MTARC2: variants seen among roughly 807,000 people sequenced by gnomAD.
MTARC2 encodes the protein MOCO sulphurase C-terminal domain containing 2.
A neutral mutation model predicts 35.6 loss-of-function variants in MTARC2; 27 were observed. The ratio of observed to expected loss-of-function variants is 0.76; its 90% confidence interval spans 0.56 to 1.04. The LOEUF is 1.04. MTARC2 is among the 50% of genes least tolerant of loss of function. The probability of loss-of-function intolerance (pLI) is 0.00; values close to 1 mark genes in which losing one functional copy is unlikely to be tolerated. For missense variants in MTARC2, 412 were observed against 432.5 expected, an observed-to-expected ratio of 0.95 and a Z score of 0.42; for synonymous variants, 158 against 167.1, an observed-to-expected ratio of 0.95 and a Z score of 0.42.
chr1:220,757,705 T>C (rs1572295515), intron 2 of MTARC2, among the ~76,000 whole-genome samples: 1 of 152,104 alleles, frequency 6.6e-6, no homozygotes, highest in African/African-American at 2.4e-5. Context: ...AGGGTGCCAA[T>C]CCCAGCATGA....
At chr1:220,760,498 A>G (rs1477185473) in intron 2 of MTARC2, among the ~76,000 whole-genome samples, 1 of 152,238 alleles carries the variant, frequency 6.6e-6, no homozygotes, top group Admixed American at 6.5e-5. Context: ...AAGAAAGAAA[A>G]TTGATACTGA....
In MTARC2 at chr1:220,778,196, C is replaced by G. The variant is rs186767653; in HGVS notation, c.751-1822C>G. Among the ~76,000 whole-genome samples the G allele has an allele frequency of 3.3e-4, 44 of 135,206 alleles. No homozygotes were observed. In the East Asian group the frequency reaches 4.6e-3, roughly 14 times the overall value. 88.7% of individuals were successfully genotyped at this position (135,206 alleles called of 152,430 possible). ...GGCGGAGATTGCGGCTGCAGTGAGC[C>G]GAGATTGCGCCACTGCATTCTAGCT... On this transcript the variant is annotated intron_variant, in intron 4 of 7. Coordinates refer to ENST00000366913, the MANE Select transcript of MTARC2 (RefSeq NM_017898.5).
At chr1:220,769,460 T>C (rs1158641213) in intron 4 of MTARC2, among the ~76,000 whole-genome samples, 1 of 152,148 alleles carries the variant, frequency 6.6e-6, no homozygotes, top group Non-Finnish European at 1.5e-5. Flanking sequence ...TGCCTCCATC[T>C]CAGGTGCAGC....
At chr1:220,754,101 T>C (rs1671211407) in intron 1 of MTARC2, among the ~76,000 whole-genome samples, 1 of 152,040 alleles carries the variant, frequency 6.6e-6, no homozygotes, top group Non-Finnish European at 1.5e-5. Flanking sequence ...GAAACTAAAC[T>C]GTGATATTGA....
At chr1:220,780,448 A>G (rs1020853395) in intron 6 of MTARC2, among the ~76,000 whole-genome samples, 2 of 141,780 alleles carry the variant, frequency 1.4e-5, no homozygotes, top group African/African-American at 2.8e-5. Flanking sequence ...AGTGCTTTGG[A>G]TAAACTTTTT....
intron 2 of MTARC2, among the ~76,000 whole-genome samples, chr1:220,758,287 A>T (rs1160432142): frequency 6.6e-6 from 1 of 150,484 alleles, no homozygotes; most frequent in African/African-American, 2.4e-5. Context: ...CCGGCCACTT[A>T]TTTTTTTTAA....
intron 4 of MTARC2, among the ~76,000 whole-genome samples, chr1:220,769,419 C>T (rs1463841879): frequency 6.6e-6 from 1 of 152,212 alleles, no homozygotes; most frequent in Non-Finnish European, 1.5e-5. Context: ...GGCTGCACAT[C>T]GGGCCAGCGG....
intron 4 of MTARC2, among the ~76,000 whole-genome samples, chr1:220,772,683 GGT>G (rs374751849): frequency 2.0e-5 from 3 of 147,960 alleles, no homozygotes; most frequent in Non-Finnish European, 4.5e-5. Flanking sequence ...CTCTGGGCAG[GGT>G]GTGTGTGTGT....
chr1:220,761,849 G>A, intron 3 of MTARC2, 29 bp downstream of exon 3: 1 of 1,570,164 alleles, frequency 6.4e-7, no homozygotes, highest in Non-Finnish European at 8.6e-7. Flanking sequence ...TACCTTCACT[G>A]CTACTAGTCA....
At chr1:220,755,705 C>G (rs1671259824) in intron 2 of MTARC2, among the ~76,000 whole-genome samples, 1 of 152,088 alleles carries the variant, frequency 6.6e-6, no homozygotes, top group Admixed American at 6.5e-5. Flanking sequence ...GTTGGTGTTC[C>G]TATTACAGGC....
In MTARC2 at chr1:220,755,108, T is replaced by G; in HGVS notation, c.434T>G (p.Leu145Arg). Residue 145 changes from leucine (L) to arginine (R), a missense_variant, in exon 2 of 8, where the codon CTC becomes CGC. Transcript: ENST00000366913. ...AGCAAGCAGCCTTCCTCAAACAAAC[T>G]CCACAACTGCAGGTGTTCCGCTTGG... ...LPSKQPSSNK[L>R]HNCRIFGLDI... is the part of the protein sequence containing the mutation. 6.2e-7 allele frequency: 1 copy of G among 1,606,420 alleles called. No individual in the cohort carries two copies.
At chr1:220,781,247 A>G (rs1375345901) in intron 6 of MTARC2, among the ~76,000 whole-genome samples, 2 of 152,132 alleles carry the variant, frequency 1.3e-5, no homozygotes, top group African/African-American at 2.4e-5. Context: ...AGATGCTGTG[A>G]AAGTTATTGT....
At chr1:220,765,522 A>G (rs1307748508) in intron 4 of MTARC2, among the ~76,000 whole-genome samples, 15 of 152,238 alleles carry the variant, frequency 9.9e-5, no homozygotes, top group Admixed American at 9.8e-4. Context: ...ATTGAAAGGC[A>G]GGGAAGCCTG....
chr1:220,751,972 G>A (rs1332705308), intron 1 of MTARC2, among the ~76,000 whole-genome samples: 1 of 152,128 alleles, frequency 6.6e-6, no homozygotes, highest in Admixed American at 6.5e-5. Flanking sequence ...AGATGGTTGG[G>A]GTATGTTACA....
chr1:220,766,105 C>T (rs910320144), intron 4 of MTARC2, among the ~76,000 whole-genome samples: 4 of 151,998 alleles, frequency 2.6e-5, no homozygotes, highest in African/African-American at 9.7e-5. Flanking sequence ...GAGGAAGAGG[C>T]CCCCGACGTA....
chr1:220,780,253 A>ACAGC lies in MTARC2; in HGVS notation c.884+18_884+21dup. The ACAGC allele has an allele frequency of 6.2e-7, 1 of 1,603,768 alleles. No homozygotes were observed. The highest frequency in any genetic ancestry group is 1.1e-5 in the South Asian group (1 of 90,132). On this transcript the variant is annotated intron_variant, in intron 6 of 7. Coordinates refer to ENST00000366913, the MANE Select transcript of MTARC2 (RefSeq NM_017898.5). ...CACCCTGAAGAGGTAGAATACCACC[A>ACAGC]CAGCCAGTGTATTTTAAATATTATC...
intron 3 of MTARC2, 149 bp downstream of exon 3, chr1:220,761,969 C>A: frequency 1.3e-6 from 1 of 779,694 alleles, no homozygotes; most frequent in Non-Finnish European, 2.1e-6. Flanking sequence ...ACAGCCTAGG[C>A]AGAGGTACCA....
At position 220,748,811 on chromosome 1, in the gene MTARC2, A is replaced by C. The variant is rs750605554; in HGVS notation, c.272+8A>C. ...CGGCAACCTGCGGGACAGGTACAGC[A>C]CAGCGCGGGCGCGGGGCAGCGCGGA... On this transcript the variant is annotated splice_region_variant and intron_variant, in intron 1 of 7. Coordinates refer to ENST00000366913, the MANE Select transcript of MTARC2 (RefSeq NM_017898.5). 1 of 1,576,008 alleles carries C rather than the reference A, an allele frequency of 6.3e-7. No homozygotes were observed. The highest frequency in any genetic ancestry group is 1.4e-5 in the African/African-American group (1 of 72,916).
At position 220,775,443 on chromosome 1, in the gene MTARC2, G is replaced by A. The variant is rs117328609; in HGVS notation, c.751-4575G>A. Among the ~76,000 whole-genome samples the A allele has an allele frequency of 5.5e-3, 839 of 152,250 alleles. 6 individuals are homozygous for A. The East Asian group carries it at 0.056, about 10-fold the overall frequency. ...GCGGAAAGGTTGATTACCAGCAGGG[G>A]GCGCACTAAGCGTCTCGAGCTGATT... On this transcript the variant is annotated intron_variant, in intron 4 of 7. Transcript: ENST00000366913.
Sources: allele counts gnomAD v4.1 joint callset (sites outside exome capture counted in the v4.1 genomes callset), GRCh38; gene constraint gnomAD v4.1.1; transcripts MANE v1.5; gene names NCBI Gene and HGNC (gene_info 2026-07-23, HGNC 2026-07-21).